The following MSI2 variants were observed in gnomAD, a reference collection of about 807,000 sequenced individuals.
MSI2 encodes musashi RNA binding protein 2.
Under a neutral mutation model 45.6 loss-of-function variants are expected in MSI2, and 17 were observed. The ratio of observed to expected loss-of-function variants is 0.37; its 90% CI spans 0.26 to 0.56. MSI2 has a LOEUF of 0.56. Among genes scored for constraint, MSI2 ranks in the 20% least tolerant of loss-of-function variants. The probability of loss-of-function intolerance (pLI) is 0.77; values close to 1 mark genes in which losing one functional copy is unlikely to be tolerated. For synonymous variants in MSI2, 156 were observed against 158.2 expected, an observed-to-expected ratio of 0.99 and a Z score of 0.11; for missense variants, 293 against 444.2, an observed-to-expected ratio of 0.66 and a Z score of 3.06.
intron 5 of MSI2, among the ~76,000 whole-genome samples, chr17:57,353,720 G>T (rs1171012200): frequency 6.6e-6 from 1 of 152,084 alleles, no homozygotes; most frequent in Non-Finnish European, 1.5e-5. Flanking sequence ...TTTTCCTTGG[G>T]TCTCAGAACA....
chr17:57,434,450 T>C (rs11659021), intron 6 of MSI2, among the ~76,000 whole-genome samples: 33,943 of 152,176 alleles, frequency 0.22, 4,098 homozygotes, highest in South Asian at 0.3. Context: ...CTATAGCCAC[T>C]ATGCTGTTCT....
chr17:57,352,007 G>T (rs772798900), intron 5 of MSI2, among the ~76,000 whole-genome samples: 3 of 152,206 alleles, frequency 2.0e-5, no homozygotes, highest in Non-Finnish European at 4.4e-5. Flanking sequence ...TGAGAGGAAG[G>T]TGTGAGGCAG....
chr17:57,489,349 G>C (rs752746741), intron 6 of MSI2, among the ~76,000 whole-genome samples: 3 of 152,190 alleles, frequency 2.0e-5, no homozygotes, highest in Non-Finnish European at 4.4e-5. Context: ...AGGGGAGTGA[G>C]GGCTGGAGAC....
chr17:57,615,837 C>G, intron 8 of MSI2, 133 bp from the exon 9 acceptor site: 3 of 651,096 alleles, frequency 4.6e-6, no homozygotes, highest in Middle Eastern at 5.1e-4. Flanking sequence ...AGGCCATTTA[C>G]TCGGCATGGC....
chr17:57,333,035 A>G (rs28513575), intron 5 of MSI2, among the ~76,000 whole-genome samples: 1 of 120,958 alleles, frequency 8.3e-6, no homozygotes, highest in African/African-American at 4.5e-5. Flanking sequence ...CAAAAAAAAG[A>G]AAAAAAAAAG....
At position 57,354,945 on chromosome 17, in the gene MSI2, A is replaced by C. The variant is rs75649356; in HGVS notation, c.313-46434A>C. 6.2e-3 allele frequency among the ~76,000 whole-genome samples: 946 copies of C among 152,336 alleles called. 4 individuals carry two copies. Among genetic ancestry groups the C allele is most frequent in the Non-Finnish European group, 9.6e-3 (653 of 68,026 alleles). On this transcript the variant is annotated intron_variant, in intron 5 of 13. Transcript: ENST00000284073. ...AGTGTTGAAAATAAAGATAGTCTGA[A>C]AAATGTGGAGTCTGTGACCAGCATA...
chr17:57,387,198 C>T (rs185910134), intron 5 of MSI2, among the ~76,000 whole-genome samples: 192 of 152,272 alleles, frequency 1.3e-3, no homozygotes, highest in African/African-American at 4.5e-3. Flanking sequence ...TTTGGTTGGC[C>T]TAGTGCAAGT....
chr17:57,412,530 A>G (rs929551323), intron 6 of MSI2, among the ~76,000 whole-genome samples: 1 of 152,118 alleles, frequency 6.6e-6, no homozygotes, highest in African/African-American at 2.4e-5. Flanking sequence ...AGAAAAGTTG[A>G]GAATCTCTAT....
chr17:57,622,278 TTA>T (rs1908377502), intron 9 of MSI2, among the ~76,000 whole-genome samples: 1 of 146,512 alleles, frequency 6.8e-6, no homozygotes, highest in Non-Finnish European at 1.5e-5. Flanking sequence ...GTGCCCACAG[TTA>T]TCCAGCTCAA....
At chr17:57,285,715 T>C in intron 5 of MSI2, 1 of 647,668 alleles carries the variant, frequency 1.5e-6, no homozygotes, top group Non-Finnish European at 2.3e-6. Flanking sequence ...CAGGAACGTC[T>C]CCCCAAGTAG....
chr17:57,649,538 T>G (rs1910970954), intron 10 of MSI2, among the ~76,000 whole-genome samples: 1 of 151,514 alleles, frequency 6.6e-6, no homozygotes, highest in Non-Finnish European at 1.5e-5. Context: ...CACATACACT[T>G]AACACATACC....
chr17:57,256,951 G>A, intron 1 of MSI2, 147 bp downstream of exon 1: 3 of 1,283,820 alleles, frequency 2.3e-6, no homozygotes, highest in East Asian at 2.7e-5. Flanking sequence ...CCTTTGGATT[G>A]CATTTCGCCG....
intron 7 of MSI2, among the ~76,000 whole-genome samples, chr17:57,590,532 G>A (rs1904729677): frequency 6.6e-6 from 1 of 152,184 alleles, no homozygotes; most frequent in African/African-American, 2.4e-5. Flanking sequence ...CTCTTAAATA[G>A]TGCTTACTTG....
At chr17:57,376,477 G>A (rs984906151) in intron 5 of MSI2, among the ~76,000 whole-genome samples, 6 of 152,152 alleles carry the variant, frequency 3.9e-5, no homozygotes, top group African/African-American at 1.4e-4. Context: ...CCCCTGAAGG[G>A]CACACAGTCA....
intron 11 of MSI2, among the ~76,000 whole-genome samples, chr17:57,666,144 T>C (rs1242377915): frequency 1.3e-5 from 2 of 152,222 alleles, no homozygotes; most frequent in Admixed American, 6.5e-5. Context: ...CAAAGAAAGA[T>C]CCAAGTAAAC....
intron 5 of MSI2, among the ~76,000 whole-genome samples, chr17:57,273,534 G>GT (rs910767150): frequency 2.1e-5 from 2 of 95,640 alleles, no homozygotes; most frequent in Non-Finnish European, 2.0e-5. Context: ...GGGGATGTGG[G>GT]TGGGGGGGGG....
At chr17:57,307,971 C>T (rs755834653) in intron 5 of MSI2, among the ~76,000 whole-genome samples, 11 of 152,192 alleles carry the variant, frequency 7.2e-5, no homozygotes, top group Non-Finnish European at 1.5e-4. Context: ...AAGTGCCTTC[C>T]ATAGAGCCTG....
intron 5 of MSI2, among the ~76,000 whole-genome samples, chr17:57,284,381 G>A (rs1909687659): frequency 6.6e-6 from 1 of 152,002 alleles, no homozygotes. Context: ...CCTAGAACTC[G>A]AACTGATGTG....
At chr17:57,282,100 A>C (rs1053595331) in intron 5 of MSI2, among the ~76,000 whole-genome samples, 1 of 152,092 alleles carries the variant, frequency 6.6e-6, no homozygotes, top group Non-Finnish European at 1.5e-5. Flanking sequence ...GTTTCAGACT[A>C]TGTTGGTGTA....
Sources: allele counts gnomAD v4.1 joint callset (sites outside exome capture counted in the v4.1 genomes callset), GRCh38; gene constraint gnomAD v4.1.1; transcripts MANE v1.5; gene names NCBI Gene and HGNC (gene_info 2026-07-23, HGNC 2026-07-21).